MYO1D: variants seen among roughly 807,000 people sequenced by gnomAD.
The protein encoded by MYO1D is myosin ID, also known as unconventional myosin-Id.
Under a neutral mutation model 122.0 loss-of-function variants are expected in MYO1D, and 83 were observed. The ratio of observed to expected loss-of-function variants is 0.68; its 90% CI spans 0.57 to 0.82. MYO1D has a LOEUF of 0.82. Ranked by LOEUF, MYO1D falls within the 40% of genes least tolerant of loss-of-function variation. MYO1D has a pLI of 0.00. For synonymous variants in MYO1D, 464 were observed against 446.9 expected, an observed-to-expected ratio of 1.04 and a Z score of -0.48; for missense variants, 1,157 against 1,269.5, an observed-to-expected ratio of 0.91 and a Z score of 1.35.
intron 21 of MYO1D, among the ~76,000 whole-genome samples, chr17:32,595,032 T>C (rs1054561967): frequency 6.6e-6 from 1 of 152,204 alleles, no homozygotes; most frequent in Non-Finnish European, 1.5e-5. Context: ...TAGTTGCTGA[T>C]TTAATATCTT....
At chr17:32,712,817 T>C (rs2150987110) in intron 15 of MYO1D, among the ~76,000 whole-genome samples, 1 of 152,316 alleles carries the variant, frequency 6.6e-6, no homozygotes, top group East Asian at 1.9e-4. Context: ...ACACAGCGGC[T>C]TGCTTCATGA....
intron 20 of MYO1D, among the ~76,000 whole-genome samples, chr17:32,615,318 G>A (rs2087757488): frequency 6.6e-6 from 1 of 152,158 alleles, no homozygotes; most frequent in African/African-American, 2.4e-5. Context: ...TCGAGCCAGA[G>A]GAAAGCGGAC....
At chr17:32,650,684 T>C (rs2088376693) in intron 19 of MYO1D, among the ~76,000 whole-genome samples, 4 of 152,268 alleles carry the variant, frequency 2.6e-5, no homozygotes, top group Admixed American at 6.5e-5. Context: ...GTTAATCCCA[T>C]TGAGTATGTT....
chr17:32,494,155 C>G lies in MYO1D; in HGVS notation c.*604G>C, dbSNP rs895103482. 1 of 153,536 alleles carries G rather than the reference C, an allele frequency of 6.5e-6. No individual in the cohort carries two copies. The highest frequency in any genetic ancestry group is 2.4e-5 in the African/African-American group (1 of 41,472). 9.5% of individuals were successfully genotyped at this position (153,536 alleles called of 1,614,324 possible). ...GGGGAGAACCTGGGAAGGATGGACT[C>G]ACTCTGCTGGATGGGCTGTTCCGCT... On this transcript the variant is annotated 3_prime_UTR_variant, in exon 22 of 22. Coordinates refer to ENST00000318217, the MANE Select transcript of MYO1D (RefSeq NM_015194.3).
rs180902409 is a variant in MYO1D, at chr17:32,812,553, T to C, written c.96-31769A>G. Reference sequence around the variant, plus strand: ...TATGTTGTGTTACCTACACTTAAGTTAGAGGAAGTCAGGATGAAACATGAG... The same window carrying C: ...TATGTTGTGTTACCTACACTTAAGTCAGAGGAAGTCAGGATGAAACATGAG... On this transcript the variant is annotated intron_variant, in intron 1 of 21. Transcript: ENST00000318217. Among the ~76,000 whole-genome samples the C allele has an allele frequency of 3.9e-5, 6 of 152,244 alleles. No individual in the cohort carries two copies. In the East Asian group the frequency reaches 1.2e-3, roughly 29 times the overall value.
intron 20 of MYO1D, among the ~76,000 whole-genome samples, chr17:32,608,441 T>G (rs1248791643): frequency 6.6e-6 from 1 of 152,076 alleles, no homozygotes; most frequent in Middle Eastern, 3.4e-3. Context: ...TGCAAACCCA[T>G]CAGAATGGCT....
At chr17:32,603,979 T>C (rs978828033) in intron 21 of MYO1D, among the ~76,000 whole-genome samples, 1 of 152,236 alleles carries the variant, frequency 6.6e-6, no homozygotes, top group Non-Finnish European at 1.5e-5. Context: ...ACTTACAGCA[T>C]GTAAAAGCAT....
intron 1 of MYO1D, among the ~76,000 whole-genome samples, chr17:32,783,032 A>C (rs1423918552): frequency 2.0e-5 from 3 of 152,196 alleles, no homozygotes; most frequent in Non-Finnish European, 4.4e-5. Flanking sequence ...TCGCGAAAAT[A>C]AGCTAAGATT....
intron 1 of MYO1D, chr17:32,863,011 C>T (rs1178027180): frequency 6.6e-6 from 1 of 152,162 alleles, no homozygotes; most frequent in African/African-American, 2.4e-5. Flanking sequence ...GATTTGGGAA[C>T]CCCAGCCTAG....
intron 16 of MYO1D, among the ~76,000 whole-genome samples, chr17:32,671,126 TAA>T (rs1398617217): frequency 6.6e-6 from 1 of 152,192 alleles, no homozygotes; most frequent in Admixed American, 6.5e-5. Context: ...ATGGCAGAGC[TAA>T]AAGAGCTAAT....
intron 1 of MYO1D, among the ~76,000 whole-genome samples, chr17:32,866,978 A>T (rs2091130996): frequency 6.6e-6 from 1 of 152,194 alleles, no homozygotes. Flanking sequence ...ATAATATAGT[A>T]CATACATATA....
intron 1 of MYO1D, among the ~76,000 whole-genome samples, chr17:32,858,705 CAAT>C (rs2091046785): frequency 6.6e-6 from 1 of 152,164 alleles, no homozygotes; most frequent in African/African-American, 2.4e-5. Context: ...TCCACTGTAA[CAAT>C]AATCTTTTTT....
At chr17:32,540,848 C>T (rs1248803097) in intron 21 of MYO1D, among the ~76,000 whole-genome samples, 1 of 150,472 alleles carries the variant, frequency 6.6e-6, no homozygotes, top group African/African-American at 2.5e-5. Context: ...ATTGCTTGAA[C>T]CTGTAAGGCA....
chr17:32,744,973 G>T (rs1426180743), intron 13 of MYO1D, among the ~76,000 whole-genome samples: 1 of 152,192 alleles, frequency 6.6e-6, no homozygotes, highest in Non-Finnish European at 1.5e-5. Context: ...GCAGCAGTGA[G>T]CACAGAAGCT....
At chr17:32,623,824 G>A (rs1169013304) in intron 20 of MYO1D, among the ~76,000 whole-genome samples, 4 of 152,144 alleles carry the variant, frequency 2.6e-5, no homozygotes, top group South Asian at 2.1e-4. Flanking sequence ...CCAACTTCTC[G>A]TAGTGTCCTC....
chr17:32,847,414 C>T (rs116556005), intron 1 of MYO1D, among the ~76,000 whole-genome samples: 2,214 of 152,318 alleles, frequency 0.015, 45 homozygotes, highest in African/African-American at 0.048. Flanking sequence ...ACAGTGGCCA[C>T]TTGCCATTTT....
At chr17:32,834,944 G>A (rs184705789) in intron 1 of MYO1D, among the ~76,000 whole-genome samples, 284 of 152,322 alleles carry the variant, frequency 1.9e-3, no homozygotes, top group Non-Finnish European at 1.4e-3. Flanking sequence ...CCCGGAAGGC[G>A]GAGGTTGCAG....
intron 1 of MYO1D, among the ~76,000 whole-genome samples, chr17:32,850,785 G>A (rs1189967681): frequency 6.6e-6 from 1 of 152,074 alleles, no homozygotes; most frequent in Non-Finnish European, 1.5e-5. Context: ...GAATTTGAGG[G>A]GAATGGAGTC....
intron 1 of MYO1D, among the ~76,000 whole-genome samples, chr17:32,815,239 G>C (rs1470855237): frequency 6.6e-6 from 1 of 152,128 alleles, no homozygotes; most frequent in African/African-American, 2.4e-5. Flanking sequence ...AATACTTAAT[G>C]AAAAAATTAT....
Sources: gnomAD v4.1 joint callset for allele counts (sites outside exome capture counted in the v4.1 genomes callset) on GRCh38, gnomAD v4.1.1 for gene constraint, MANE v1.5 for transcripts, NCBI Gene and HGNC (gene_info 2026-07-23, HGNC 2026-07-21) for gene names.